Variants in SELENBP1 observed in about 807,000 individuals in gnomAD.
The protein encoded by SELENBP1 is methanethiol oxidase.
SELENBP1 carries 71 observed loss-of-function variants against 61.0 expected under a neutral mutation model. The observed-to-expected ratio is 1.16, with a 90% CI of 0.96 to 1.42. SELENBP1 has a LOEUF of 1.42. Among genes scored for constraint, SELENBP1 ranks in the 40% most tolerant of loss-of-function variants. The pLI, the probability that SELENBP1 is intolerant of heterozygous loss-of-function variation, is 0.00. For synonymous variants in SELENBP1, 270 were observed against 238.9 expected (o/e 1.13, Z -1.20); for missense variants, 561 against 605.0 (o/e 0.93, Z 0.76).
chr1:151,366,169 AT>A (rs1386226638), intron 7 of SELENBP1, 105 bp downstream of exon 7: 11 of 1,370,728 alleles, frequency 8.0e-6, no homozygotes, highest in Middle Eastern at 2.7e-4. Context: ...ATGCAGCCTC[AT>A]TTTTTTCGTT....
intron 5 of SELENBP1, among the ~76,000 whole-genome samples, chr1:151,367,740 C>T (rs2102095808): frequency 6.6e-6 from 1 of 152,310 alleles, no homozygotes; most frequent in African/African-American, 2.4e-5. Flanking sequence ...CCTCCTACCT[C>T]AGCCTCTTGA....
chr1:151,366,712 G>A lies in SELENBP1; in HGVS notation c.664+10C>T. Reference sequence around the variant, plus strand: ...CCAAGGCTCCTGCTGGCACATGGGGGGATTCTCACCAGCCTCCACATCAGC... The same window carrying A: ...CCAAGGCTCCTGCTGGCACATGGGGAGATTCTCACCAGCCTCCACATCAGC... On this transcript the variant is annotated intron_variant, in intron 6 of 11. Transcript: ENST00000368868. 1 of 1,611,664 alleles carries A rather than the reference G, an allele frequency of 6.2e-7. No homozygotes were observed. Among genetic ancestry groups the A allele is most frequent in the Non-Finnish European group, 8.5e-7 (1 of 1,178,136 alleles).
chr1:151,369,987 G>A, intron 1 of SELENBP1: 14 of 1,465,460 alleles, frequency 9.6e-6, no homozygotes, highest in Non-Finnish European at 1.2e-5. Flanking sequence ...ACCTGAAGGT[G>A]GACAGACAGT....
In SELENBP1 at chr1:151,364,466, AAG is replaced by A; in HGVS notation, c.*75_*76del. 1 of 1,583,276 alleles carries A rather than the reference AAG, an allele frequency of 6.3e-7. No individual in the cohort carries two copies. Among genetic ancestry groups the A allele is most frequent in the East Asian group, 2.2e-5 (1 of 44,756 alleles). On this transcript the variant is annotated 3_prime_UTR_variant, in exon 12 of 12. Coordinates refer to ENST00000368868, the MANE Select transcript of SELENBP1 (RefSeq NM_003944.4). ...TACATGCTGCCAAGGGTCGGGTGCCAAGAGAGAGCAGAATGAAGCCAGGTCCC... is the reference window on the plus strand; with the variant it reads ...TACATGCTGCCAAGGGTCGGGTGCCAAGAGAGCAGAATGAAGCCAGGTCCC...
intron 7 of SELENBP1, 84 bp from the exon 8 acceptor site, chr1:151,365,930 C>G: frequency 6.9e-7 from 1 of 1,455,606 alleles, no homozygotes. Flanking sequence ...ATCTGGGTTG[C>G]CCAGACCTGG....
At position 151,364,938 on chromosome 1, in the gene SELENBP1, G is replaced by A. The variant is rs768937254; in HGVS notation, c.1244C>T (p.Pro415Leu). Residue 415 changes from proline to leucine, a missense_variant, in exon 11 of 12, where the codon CCT (proline) becomes CTT (leucine). Pro to Leu is a moderately conservative substitution (Grantham distance 98). Transcript: ENST00000368868. The part of the protein sequence containing the change: ...LYSAWDKQFY[P>L]DLIREGSVML... ...GTCTGCTTCTCACCTGATGAGATCA[G>A]GGTAAAACTGCTTGTCCCAGGCACT... is the stretch of plus-strand genomic sequence containing the variant. The A allele has an allele frequency of 6.2e-6, 10 of 1,613,860 alleles. No homozygotes were observed. Among genetic ancestry groups the A allele is most frequent in the Non-Finnish European group, 7.6e-6 (9 of 1,179,812 alleles).
At chr1:151,370,200 C>A in intron 1 of SELENBP1, 1 of 407,506 alleles carries the variant, frequency 2.5e-6, no homozygotes, top group Non-Finnish European at 4.6e-6. Flanking sequence ...TGGGCTTTTA[C>A]GAGAAGTAAA....
chr1:151,367,355 A>AAAAAG lies in SELENBP1; in HGVS notation c.482-452_482-451insCTTTT, dbSNP rs1553205221. 6 of 49,250 alleles carry AAAAAG rather than the reference A, an allele frequency of 1.2e-4. 1 individual carries two copies. In the South Asian group the frequency reaches 5.2e-3, roughly 42 times the overall value. 3.1% of individuals were successfully genotyped at this position (49,250 alleles called of 1,614,324 possible). A position where few individuals can be genotyped will look rare whatever the true frequency, so the allele number is the denominator to read the frequency against. ...CGAGACTCCCATCTCAAAAAAAAAA[A>AAAAAG]AAAAAGAGAAAAGAAAAAGAAAAAA... On this transcript the variant is annotated intron_variant, in intron 5 of 11. Transcript: ENST00000368868.
At chr1:151,369,364 G>T in intron 3 of SELENBP1, 78 bp downstream of exon 3, 1 of 1,456,486 alleles carries the variant, frequency 6.9e-7, no homozygotes, top group Non-Finnish European at 9.5e-7. Context: ...GAAGGATGGA[G>T]CTGGGAAGGG....
chr1:151,366,276 T>A lies in SELENBP1; in HGVS notation c.842A>T (p.Glu281Val). 6.2e-7 allele frequency: 1 copy of A among 1,612,388 alleles called. No individual in the cohort carries two copies. Residue 281 changes from glutamate (E) to valine (V), a missense_variant and splice_region_variant, in exon 7 of 12, where the codon GAG (glutamate) becomes GTG (valine). Transcript: ENST00000368868. ...SSTIQRFYKN[E>V]GGTWSVEKVI... The stretch of plus-strand genomic sequence containing the variant: ...GGAGGGCCAGAGGGCGTATGTCACC[T>A]CGTTCTTGTAGAAGCGCTGGATGGT...
Position 151,368,291 on chromosome 1 carries a change from T to C in SELENBP1, c.389A>G (p.Lys130Arg). The stretch of plus-strand genomic sequence containing the variant: ...GGTGTGGAGAAAGGCCAGTTCGCAC[T>C]TGGCATGGATGTCCTTGGGCTCAAT... ...KVIEPKDIHA[K>R]CELAFLHTSH... Residue 130 changes from lysine (K) to arginine (R), a missense_variant, in exon 5 of 12, where the codon AAG becomes AGG. Lys to Arg is a conservative substitution (Grantham distance 26, BLOSUM62 2). Coordinates refer to ENST00000368868, the MANE Select transcript of SELENBP1 (RefSeq NM_003944.4). 1 of 1,614,156 alleles carries C rather than the reference T, an allele frequency of 6.2e-7. No individual in the cohort carries two copies. Among genetic ancestry groups the C allele is most frequent in the Non-Finnish European group, 8.5e-7 (1 of 1,180,026 alleles).
chr1:151,371,352 A>G (rs1183086066), intron 1 of SELENBP1, among the ~76,000 whole-genome samples: 1 of 152,054 alleles, frequency 6.6e-6, no homozygotes, highest in Non-Finnish European at 1.5e-5. Flanking sequence ...AGGCTGCAGT[A>G]AGCCGAAATC....
chr1:151,367,062 T>A, intron 5 of SELENBP1, 158 bp from the exon 6 acceptor site: 1 of 1,433,444 alleles, frequency 7.0e-7, no homozygotes, highest in Non-Finnish European at 9.1e-7. Context: ...CATCCAGGGC[T>A]GGGGGAAGAG....
Position 151,365,213 on chromosome 1 carries a change from G to C in SELENBP1, c.1113C>G (p.Ser371=). The C allele has an allele frequency of 6.2e-7, 1 of 1,613,876 alleles. No individual in the cohort carries two copies. Among genetic ancestry groups the C allele is most frequent in the South Asian group, 1.1e-5 (1 of 90,992 alleles). ...VQVLEDEELK[S]QPEPLVVKGK... ...CCTTGACCACTAGGGGCTCTGGCTG[G>C]GACTTTAGTTCCTCGTCCTCCAGCA... The change falls in exon 10 of 12, where the codon TCC becomes TCG. Residue 371 remains serine, a synonymous_variant. Transcript: ENST00000368868.
In SELENBP1 at chr1:151,366,895, ACAAAACCCCC is replaced by A; in HGVS notation, c.482-1_490del. The A allele has an allele frequency of 6.2e-7, 1 of 1,613,922 alleles. No individual in the cohort carries two copies. Among genetic ancestry groups the A allele is most frequent in the Non-Finnish European group, 8.5e-7 (1 of 1,179,860 alleles). ...CTCGAACGTCTCCCCATCCAGCAGC[ACAAAACCCCC>A]TGAACAGGGAAGGAAGCAGGGTGGC... On this transcript the variant is annotated splice_acceptor_variant and coding_sequence_variant, in exon 6 of 12. Coordinates refer to ENST00000368868, the MANE Select transcript of SELENBP1 (RefSeq NM_003944.4). LOFTEE classifies it high-confidence loss of function.
At chr1:151,369,626 AGAG>A in intron 2 of SELENBP1, 72 bp from the exon 3 acceptor site, 1 of 1,549,386 alleles carries the variant, frequency 6.5e-7, no homozygotes, top group Non-Finnish European at 8.7e-7. Flanking sequence ...TGGGTGTGCC[AGAG>A]GGTGGGGGCT....
chr1:151,370,127 C>T, intron 1 of SELENBP1: 1 of 675,616 alleles, frequency 1.5e-6, no homozygotes, highest in East Asian at 2.9e-5. Context: ...GGGCAAAGTA[C>T]TGAAGCTCCT....
chr1:151,366,632 C>T, intron 6 of SELENBP1, 90 bp downstream of exon 6: 1 of 1,506,214 alleles, frequency 6.6e-7, no homozygotes, highest in Non-Finnish European at 9.1e-7. Flanking sequence ...TCTGGGGCCA[C>T]AGGAGGGAAG....
chr1:151,368,056 A>C (rs1454497079), intron 5 of SELENBP1, 143 bp downstream of exon 5: 1 of 1,074,532 alleles, frequency 9.3e-7, no homozygotes, highest in African/African-American at 1.6e-5. Flanking sequence ...TAACATTTAA[A>C]ATACTGGCTG....
Sources: allele counts gnomAD v4.1 joint callset (sites outside exome capture counted in the v4.1 genomes callset), GRCh38; gene constraint gnomAD v4.1.1; transcripts MANE v1.5; gene names NCBI Gene and HGNC (gene_info 2026-07-23, HGNC 2026-07-21).